The following MGAT4C variants were observed in gnomAD, a reference collection of about 807,000 sequenced individuals.
MGAT4C encodes the protein MGAT4 family member C.
MGAT4C carries 19 observed loss-of-function variants against 40.1 expected under a neutral mutation model. The observed-to-expected ratio is 0.47, with a 90% CI of 0.33 to 0.70. The LOEUF (loss-of-function observed/expected upper bound fraction) is 0.70, where lower values mean the gene tolerates loss of function less well. Ranked by LOEUF, MGAT4C falls within the 30% of genes least tolerant of loss-of-function variation. The pLI, the probability that MGAT4C is intolerant of heterozygous loss-of-function variation, is 0.02. For synonymous variants in MGAT4C, 181 were observed against 187.1 expected (o/e 0.97, Z 0.27); for missense variants, 491 against 563.2 (o/e 0.87, Z 1.30).
At chr12:86,245,645 T>C (rs1951994473) in intron 1 of MGAT4C, among the ~76,000 whole-genome samples, 1 of 152,176 alleles carries the variant, frequency 6.6e-6, no homozygotes, top group Non-Finnish European at 1.5e-5. Flanking sequence ...ACCCCCCTTT[T>C]GATCTCAATT....
intron 2 of MGAT4C, among the ~76,000 whole-genome samples, chr12:86,713,989 G>C (rs1310612727): frequency 6.6e-6 from 1 of 152,134 alleles, no homozygotes; most frequent in African/African-American, 2.4e-5. Flanking sequence ...ATGTTTTATT[G>C]CATCATGTGA....
chr12:86,037,659 T>C (rs2136925696), intron 2 of MGAT4C, among the ~76,000 whole-genome samples: 2 of 147,196 alleles, frequency 1.4e-5, no homozygotes, highest in South Asian at 4.2e-4. Context: ...GAGAGAGTGT[T>C]TGTTATTATT....
At chr12:86,208,223 T>C (rs1401593686) in intron 1 of MGAT4C, among the ~76,000 whole-genome samples, 1 of 152,176 alleles carries the variant, frequency 6.6e-6, no homozygotes, top group Non-Finnish European at 1.5e-5. Flanking sequence ...CCCAGCACTT[T>C]GGGAGGCCGA....
At chr12:86,660,295 T>G (rs1963950364) in intron 2 of MGAT4C, among the ~76,000 whole-genome samples, 1 of 152,118 alleles carries the variant, frequency 6.6e-6, no homozygotes, top group Non-Finnish European at 1.5e-5. Flanking sequence ...ACCCCTAGAT[T>G]GTACTGTGGA....
At chr12:86,326,664 TA>T (rs147348387) in intron 4 of MGAT4C, among the ~76,000 whole-genome samples, 1,678 of 152,228 alleles carry the variant, frequency 0.011, 19 homozygotes, top group East Asian at 0.045. Flanking sequence ...TTTGTGTTTG[TA>T]AAACAAATAT....
At chr12:86,010,746 A>G (rs1366168197) in intron 2 of MGAT4C, among the ~76,000 whole-genome samples, 2 of 152,218 alleles carry the variant, frequency 1.3e-5, no homozygotes, top group Non-Finnish European at 2.9e-5. Flanking sequence ...CCCCAGTGTA[A>G]CAGTATTAAA....
intron 1 of MGAT4C, among the ~76,000 whole-genome samples, chr12:86,816,410 A>G (rs1952607720): frequency 6.6e-6 from 1 of 151,758 alleles, no homozygotes; most frequent in Non-Finnish European, 1.5e-5. Flanking sequence ...TTATCAGAAT[A>G]TTTTACTTTT....
At chr12:86,173,402 A>C (rs1887055355) in intron 1 of MGAT4C, among the ~76,000 whole-genome samples, 3 of 152,090 alleles carry the variant, frequency 2.0e-5, no homozygotes, top group Admixed American at 2.0e-4. Context: ...ATCATACCTC[A>C]AGCAGGAATG....
chr12:86,147,388 C>T (rs1205564968), intron 1 of MGAT4C, among the ~76,000 whole-genome samples: 2 of 152,122 alleles, frequency 1.3e-5, no homozygotes, highest in Non-Finnish European at 2.9e-5. Context: ...ACTACAGGCA[C>T]CCGCCACCAC....
At chr12:86,072,026 T>TTGTGTG (rs71076158) in intron 1 of MGAT4C, among the ~76,000 whole-genome samples, 2,061 of 149,034 alleles carry the variant, frequency 0.014, 27 homozygotes, top group African/African-American at 0.037. Context: ...GCATAGGGTT[T>TTGTGTG]TGTGTGTGTG....
intron 1 of MGAT4C, among the ~76,000 whole-genome samples, chr12:86,818,096 C>T (rs150593624): frequency 2.0e-5 from 3 of 151,302 alleles, no homozygotes; most frequent in Non-Finnish European, 4.4e-5. Context: ...CAGATATTGC[C>T]ACAACTGCAA....
chr12:86,191,971 A>T (rs778161969), intron 1 of MGAT4C, among the ~76,000 whole-genome samples: 1 of 150,118 alleles, frequency 6.7e-6, no homozygotes. Context: ...GGAAACCATC[A>T]TTCTCAGCAA....
intron 4 of MGAT4C, among the ~76,000 whole-genome samples, chr12:86,262,946 A>T (rs1952691272): frequency 6.6e-6 from 1 of 152,040 alleles, no homozygotes; most frequent in African/African-American, 2.4e-5. Flanking sequence ...AGTAATGTTG[A>T]CTGTAAAAAC....
chr12:86,398,376 A>G (rs1565732174), intron 3 of MGAT4C, among the ~76,000 whole-genome samples: 1 of 152,168 alleles, frequency 6.6e-6, no homozygotes, highest in Non-Finnish European at 1.5e-5. Context: ...CAACATGCTT[A>G]ATTTAATCAC....
At chr12:86,443,775 T>C (rs1957280831) in intron 2 of MGAT4C, among the ~76,000 whole-genome samples, 1 of 152,056 alleles carries the variant, frequency 6.6e-6, no homozygotes, top group Admixed American at 6.6e-5. Flanking sequence ...TTGTATTTTT[T>C]AGTAGAGACA....
chr12:86,748,030 C>A (rs906356263), intron 1 of MGAT4C, among the ~76,000 whole-genome samples: 1 of 151,540 alleles, frequency 6.6e-6, no homozygotes, highest in Non-Finnish European at 1.5e-5. Context: ...AATTAGGAAC[C>A]AAGCCCTGTT....
At chr12:86,179,917 G>T (rs1887918335) in intron 1 of MGAT4C, among the ~76,000 whole-genome samples, 1 of 152,194 alleles carries the variant, frequency 6.6e-6, no homozygotes, top group Admixed American at 6.5e-5. Flanking sequence ...AAGTAGCAAA[G>T]ATACTAATGT....
chr12:86,094,176 A>G (rs1873444610), intron 1 of MGAT4C, among the ~76,000 whole-genome samples: 1 of 152,160 alleles, frequency 6.6e-6, no homozygotes. Context: ...GAATTGAGCA[A>G]TGTTATATGT....
chr12:86,581,581 C>A (rs1960779441), intron 2 of MGAT4C, among the ~76,000 whole-genome samples: 1 of 151,370 alleles, frequency 6.6e-6, no homozygotes, highest in Non-Finnish European at 1.5e-5. Context: ...GTAGTCTTGG[C>A]CAGTCTGCTT....
Sources: gnomAD v4.1 joint callset for allele counts (sites outside exome capture counted in the v4.1 genomes callset) on GRCh38, gnomAD v4.1.1 for gene constraint, MANE v1.5 for transcripts, NCBI Gene and HGNC (gene_info 2026-07-23, HGNC 2026-07-21) for gene names.